CEPT1: variants seen among roughly 807,000 people sequenced by gnomAD.
CEPT1 encodes the protein choline/ethanolaminephosphotransferase 1.
Under a neutral mutation model 42.6 loss-of-function variants are expected in CEPT1, and 7 were observed. The ratio of observed to expected loss-of-function variants is 0.16; its 90% CI spans 0.09 to 0.31. The LOEUF is 0.31. Among genes scored for constraint, CEPT1 ranks in the 10% least tolerant of loss-of-function variants. The pLI, the probability that CEPT1 is intolerant of heterozygous loss-of-function variation, is 1.00. For missense variants in CEPT1, 306 were observed against 502.1 expected (o/e 0.61, Z 3.73); for synonymous variants, 171 against 171.9 (o/e 0.99, Z 0.04).
Position 111,151,125 on chromosome 1 carries a change from T to G in CEPT1, c.339+3072T>G, listed in dbSNP as rs1040574177. On this transcript the variant is annotated intron_variant, in intron 2 of 8. Coordinates refer to ENST00000357172, the MANE Select transcript of CEPT1 (RefSeq NM_006090.5). ...TCAGAGCACTGCTTGTTTTTTTTTG[T>G]TTGTTTTTTTTTTTTTTTGAGACGG... 1.9e-4 allele frequency among the ~76,000 whole-genome samples: 27 copies of G among 142,324 alleles called. No individual in the cohort carries two copies. The South Asian group carries it at 4.4e-3, about 23-fold the overall frequency. 93.4% of individuals were successfully genotyped at this position (142,324 alleles called of 152,430 possible).
intron 1 of CEPT1, among the ~76,000 whole-genome samples, chr1:111,144,236 G>A (rs1007354689): frequency 6.6e-6 from 1 of 152,182 alleles, no homozygotes; most frequent in Admixed American, 6.5e-5. Context: ...CTGGATCTCA[G>A]ATATGATGGA....
intron 4 of CEPT1, chr1:111,167,935 C>T (rs1656218124): frequency 7.0e-6 from 3 of 429,802 alleles, no homozygotes; most frequent in Non-Finnish European, 9.3e-6. Context: ...TTTTGTCACC[C>T]AGGCAGGAAT....
chr1:111,145,930 A>G (rs943534869), intron 1 of CEPT1, among the ~76,000 whole-genome samples: 3 of 152,214 alleles, frequency 2.0e-5, no homozygotes, highest in Admixed American at 6.5e-5. Context: ...AAAAGGGACA[A>G]CTGAGCATGT....
intron 5 of CEPT1, chr1:111,180,962 G>A (rs983475703): frequency 5.3e-5 from 8 of 152,162 alleles, no homozygotes; most frequent in Non-Finnish European, 1.0e-4. Context: ...TCAAGAGTTC[G>A]AGACCAGCCC....
chr1:111,158,819 AT>A (rs1261429663), intron 2 of CEPT1, among the ~76,000 whole-genome samples: 1 of 142,380 alleles, frequency 7.0e-6, no homozygotes. Flanking sequence ...ATCTCTTGGG[AT>A]TTTTGTAATC....
intron 4 of CEPT1, among the ~76,000 whole-genome samples, chr1:111,165,334 C>T (rs1656095804): frequency 6.6e-6 from 1 of 151,758 alleles, no homozygotes; most frequent in African/African-American, 2.4e-5. Context: ...AGGCGTGAGC[C>T]ACTGCGCCCG....
intron 1 of CEPT1, among the ~76,000 whole-genome samples, chr1:111,142,124 A>G (rs533335414): frequency 5.9e-5 from 9 of 152,268 alleles, no homozygotes; most frequent in African/African-American, 1.4e-4. Flanking sequence ...AATGTAGCCC[A>G]TATGCCATTA....
intron 5 of CEPT1, chr1:111,181,422 T>C (rs1298721853): frequency 6.6e-6 from 1 of 152,238 alleles, no homozygotes; most frequent in Non-Finnish European, 1.5e-5. Flanking sequence ...ATAGATATTG[T>C]GTTTGCAAAA....
intron 1 of CEPT1, among the ~76,000 whole-genome samples, chr1:111,146,218 A>T (rs750333877): frequency 6.6e-6 from 1 of 151,680 alleles, no homozygotes; most frequent in Admixed American, 6.6e-5. Context: ...TTTTAACCAG[A>T]CTTTAGCTTT....
rs755734055 is a variant in CEPT1, at chr1:111,147,985, A to T, written c.271A>T (p.Ile91Phe). ...SWIAPNLITI[I>F]GLSINICTTI... is the part of the protein sequence containing the mutation. ...GATTGCCCCAAATCTCATCACCATC[A>T]TTGGACTGTCAATAAACATCTGTAC... Residue 91 changes from isoleucine (I) to phenylalanine (F), a missense_variant, in exon 2 of 9, where the codon ATT becomes TTT. Physicochemically the swap from Ile to Phe is conservative, Grantham distance 21. Transcript: ENST00000357172. The T allele has an allele frequency of 6.2e-7, 1 of 1,614,052 alleles. No individual in the cohort carries two copies. Among genetic ancestry groups the T allele is most frequent in the Non-Finnish European group, 8.5e-7 (1 of 1,180,024 alleles).
chr1:111,176,856 G>T (rs919385730), intron 5 of CEPT1, among the ~76,000 whole-genome samples: 2 of 152,134 alleles, frequency 1.3e-5, no homozygotes, highest in African/African-American at 4.8e-5. Flanking sequence ...CTGTGGTTTG[G>T]CATCAGTGTT....
chr1:111,166,601 T>C (rs1366590303), intron 4 of CEPT1, among the ~76,000 whole-genome samples: 2 of 152,214 alleles, frequency 1.3e-5, no homozygotes, highest in Admixed American at 1.3e-4. Flanking sequence ...TTTCCACATA[T>C]ATGCTAGTTT....
At chr1:111,145,043 T>C (rs1654878638) in intron 1 of CEPT1, among the ~76,000 whole-genome samples, 2 of 151,858 alleles carry the variant, frequency 1.3e-5, no homozygotes, top group South Asian at 4.2e-4. Context: ...TAAGACAGAG[T>C]CTCGCTTTGT....
intron 2 of CEPT1, among the ~76,000 whole-genome samples, chr1:111,158,541 A>C (rs1273064768): frequency 6.6e-6 from 1 of 152,182 alleles, no homozygotes; most frequent in African/African-American, 2.4e-5. Context: ...AAATGTTACA[A>C]ACTCAAATAA....
intron 2 of CEPT1, 139 bp downstream of exon 2, chr1:111,148,192 G>T: frequency 1.5e-6 from 1 of 680,462 alleles, no homozygotes; most frequent in Non-Finnish European, 2.5e-6. Context: ...CTGTGATAAA[G>T]CTTGTAAGTA....
chr1:111,146,448 C>A (rs1375591965), intron 1 of CEPT1, among the ~76,000 whole-genome samples: 1 of 152,104 alleles, frequency 6.6e-6, no homozygotes, highest in East Asian at 1.9e-4. Context: ...GCTGTTGACT[C>A]TTTTTTTCTT....
chr1:111,149,926 T>C (rs1391695713), intron 2 of CEPT1, among the ~76,000 whole-genome samples: 1 of 152,250 alleles, frequency 6.6e-6, no homozygotes, highest in Non-Finnish European at 1.5e-5. Context: ...ATACTTTTTC[T>C]TGGCCTCTGT....
chr1:111,174,156 T>C (rs1218808077), intron 4 of CEPT1, among the ~76,000 whole-genome samples: 1 of 152,190 alleles, frequency 6.6e-6, no homozygotes, highest in Admixed American at 6.5e-5. Context: ...GTTTTGCTTC[T>C]CAATCTTTTT....
chr1:111,175,009 T>C, intron 5 of CEPT1, 46 bp downstream of exon 5: 1 of 1,151,514 alleles, frequency 8.7e-7, no homozygotes, highest in Non-Finnish European at 1.3e-6. Context: ...ATGTTGTCTT[T>C]TGCTTGTGTT....
Sources: allele counts gnomAD v4.1 joint callset (sites outside exome capture counted in the v4.1 genomes callset), GRCh38; gene constraint gnomAD v4.1.1; transcripts MANE v1.5; gene names NCBI Gene and HGNC (gene_info 2026-07-23, HGNC 2026-07-21).